Variants in CNTNAP5 observed in about 807,000 individuals in gnomAD.
CNTNAP5 encodes the protein contactin associated protein family member 5.
CNTNAP5 carries 72 observed loss-of-function variants against 150.2 expected under a neutral mutation model. The observed-to-expected ratio is 0.48, with a 90% CI of 0.40 to 0.58. CNTNAP5 has a LOEUF of 0.58. Among genes scored for constraint, CNTNAP5 ranks in the 20% least tolerant of loss-of-function variants. CNTNAP5 has a pLI of 0.00. For synonymous variants in CNTNAP5, 672 were observed against 619.8 expected (o/e 1.08, Z -1.25); for missense variants, 1,636 against 1,626.2 (o/e 1.01, Z -0.10).
chr2:124,288,624 C>T (rs1436070187), intron 3 of CNTNAP5, among the ~76,000 whole-genome samples: 1 of 152,128 alleles, frequency 6.6e-6, no homozygotes, highest in African/African-American at 2.4e-5. Context: ...AAAAATGGAA[C>T]TCATGATTCT....
intron 10 of CNTNAP5, among the ~76,000 whole-genome samples, chr2:124,535,177 A>T (rs1695201704): frequency 6.6e-6 from 1 of 152,106 alleles, no homozygotes; most frequent in South Asian, 2.1e-4. Context: ...TTCCTCATAC[A>T]GTGATGCTAC....
At chr2:124,589,967 C>T (rs937534793) in intron 11 of CNTNAP5, among the ~76,000 whole-genome samples, 2 of 152,056 alleles carry the variant, frequency 1.3e-5, no homozygotes, top group Non-Finnish European at 2.9e-5. Context: ...GGTGATTAGG[C>T]CATGAGTGCT....
chr2:124,899,374 C>T (rs990857276), intron 21 of CNTNAP5, among the ~76,000 whole-genome samples: 1 of 151,408 alleles, frequency 6.6e-6, no homozygotes, highest in Non-Finnish European at 1.5e-5. Context: ...CCAACCTGTA[C>T]CTATCAGCAG....
At chr2:124,308,928 G>C (rs141273592) in intron 3 of CNTNAP5, among the ~76,000 whole-genome samples, 1 of 152,212 alleles carries the variant, frequency 6.6e-6, no homozygotes, top group African/African-American at 2.4e-5. Context: ...GCACAACCCT[G>C]AGTTATGCTC....
chr2:124,155,530 C>T (rs1220737150), intron 1 of CNTNAP5, among the ~76,000 whole-genome samples: 1 of 151,916 alleles, frequency 6.6e-6, no homozygotes, highest in Non-Finnish European at 1.5e-5. Context: ...ACCTGCTTTA[C>T]TAGGAAAAAA....
At chr2:124,214,667 C>T (rs1314289563) in intron 1 of CNTNAP5, among the ~76,000 whole-genome samples, 1 of 152,158 alleles carries the variant, frequency 6.6e-6, no homozygotes, top group African/African-American at 2.4e-5. Context: ...GATCCCAGAC[C>T]AATGGTCTTT....
chr2:124,537,054 AAG>A lies in CNTNAP5; in HGVS notation c.1649+9610_1649+9611del, dbSNP rs1253339714. Among the ~76,000 whole-genome samples, 12 of 148,470 alleles carry A rather than the reference AAG, an allele frequency of 8.1e-5. No homozygotes were observed. The South Asian group carries it at 1.0e-3, about 13-fold the overall frequency. ...TGTGTGTGTGAGAGAGAGAGAGAGAAAGAGAGAGAGAGACAGAGAGACTAATC... is the reference window on the plus strand; with the variant it reads ...TGTGTGTGTGAGAGAGAGAGAGAGAAAGAGAGAGAGACAGAGAGACTAATC... On this transcript the variant is annotated intron_variant, in intron 10 of 23. Transcript: ENST00000682447.
chr2:124,576,351 C>T (rs1253838584), intron 11 of CNTNAP5, among the ~76,000 whole-genome samples: 3 of 152,086 alleles, frequency 2.0e-5, no homozygotes, highest in Non-Finnish European at 4.4e-5. Flanking sequence ...TTGTTCCTGT[C>T]TGCTTGATTT....
intron 1 of CNTNAP5, among the ~76,000 whole-genome samples, chr2:124,080,980 T>C (rs1367962792): frequency 6.6e-6 from 1 of 152,162 alleles, no homozygotes; most frequent in Non-Finnish European, 1.5e-5. Context: ...TAAGTAGTCA[T>C]TTGTCTCCAA....
At chr2:124,414,266 C>T (rs758975120) in intron 3 of CNTNAP5, among the ~76,000 whole-genome samples, 1 of 152,034 alleles carries the variant, frequency 6.6e-6, no homozygotes, top group Non-Finnish European at 1.5e-5. Flanking sequence ...CGGCACATAA[C>T]TTCCGGCATT....
At chr2:124,706,902 AG>A in intron 13 of CNTNAP5, among the ~76,000 whole-genome samples, 1 of 11,060 alleles carries the variant, frequency 9.0e-5, no homozygotes, top group African/African-American at 3.6e-4. Context: ...AGGAAGAAGA[AG>A]GAGGAGGAGG....
chr2:124,033,317 C>A (rs567502555), intron 1 of CNTNAP5, among the ~76,000 whole-genome samples: 1 of 152,208 alleles, frequency 6.6e-6, no homozygotes, highest in African/African-American at 2.4e-5. Context: ...CAGAAATATC[C>A]TTCTAAAGGC....
intron 1 of CNTNAP5, among the ~76,000 whole-genome samples, chr2:124,110,901 C>A (rs137993564): frequency 6.6e-6 from 1 of 152,150 alleles, no homozygotes; most frequent in African/African-American, 2.4e-5. Context: ...ACCACCAGAA[C>A]GGGGAGCTGA....
At chr2:124,401,734 G>T (rs1463239064) in intron 3 of CNTNAP5, among the ~76,000 whole-genome samples, 1 of 152,172 alleles carries the variant, frequency 6.6e-6, no homozygotes, top group Non-Finnish European at 1.5e-5. Flanking sequence ...AAGGACATTT[G>T]TTCATCAAAG....
At chr2:124,856,459 T>G (rs192540096) in intron 19 of CNTNAP5, among the ~76,000 whole-genome samples, 13 of 152,310 alleles carry the variant, frequency 8.5e-5, no homozygotes, top group Admixed American at 2.6e-4. Context: ...CCACCAGCAT[T>G]GTAGAAGTTT....
At chr2:124,398,475 TTTTAC>T in intron 3 of CNTNAP5, among the ~76,000 whole-genome samples, 1 of 145,188 alleles carries the variant, frequency 6.9e-6, no homozygotes, top group Non-Finnish European at 1.5e-5. Flanking sequence ...ATTAAGAAAT[TTTTAC>T]TTTATTTATT....
At chr2:124,608,876 C>T (rs72841382) in intron 11 of CNTNAP5, among the ~76,000 whole-genome samples, 3,196 of 150,380 alleles carry the variant, frequency 0.021, 39 homozygotes, top group Middle Eastern at 0.038. Context: ...ACCCGGGAGG[C>T]GAGTTTGTAG....
rs760418441 is a variant in CNTNAP5, at chr2:124,400,669, G to GTTTTTTTTTTTTTTTTTTTT, written c.382-16755_382-16754insTTTTTTTTTTTTTTTTTTTT. Among the ~76,000 whole-genome samples, 58 of 84,482 alleles carry GTTTTTTTTTTTTTTTTTTTT rather than the reference G, an allele frequency of 6.9e-4. 1 individual carries two copies. The highest frequency in any genetic ancestry group is 1.2e-3 in the East Asian group (3 of 2,568). The allele number at this position is 84,482 out of a possible 152,430, so 55.4% of individuals were successfully genotyped here. The stretch of plus-strand genomic sequence containing the variant: ...TAATTTTTGAAAGGATAAAGGCATT[G>GTTTTTTTTTTTTTTTTTTTT]TTTTTTTTTTTTTTTTTTTGTTTTT... On this transcript the variant is annotated intron_variant, in intron 3 of 23. Transcript: ENST00000682447.
chr2:124,718,750 T>G (rs1387437196), intron 13 of CNTNAP5, among the ~76,000 whole-genome samples: 1 of 151,990 alleles, frequency 6.6e-6, no homozygotes, highest in East Asian at 1.9e-4. Context: ...AAGATCATCC[T>G]GGCCAATATG....
Sources: gnomAD v4.1 joint callset for allele counts (sites outside exome capture counted in the v4.1 genomes callset) on GRCh38, gnomAD v4.1.1 for gene constraint, MANE v1.5 for transcripts, NCBI Gene and HGNC (gene_info 2026-07-23, HGNC 2026-07-21) for gene names.